Variants in GRID2 observed in about 807,000 individuals in gnomAD.
The protein encoded by GRID2 is glutamate ionotropic receptor delta type subunit 2.
Under a neutral mutation model 114.8 loss-of-function variants are expected in GRID2, and 33 were observed. The ratio of observed to expected loss-of-function variants is 0.29; its 90% CI spans 0.22 to 0.38. GRID2 has a LOEUF of 0.38. GRID2 is among the 10% of genes least tolerant of loss of function. The probability of loss-of-function intolerance (pLI) is 1.00; values close to 1 mark genes in which losing one functional copy is unlikely to be tolerated. For synonymous variants in GRID2, 505 were observed against 449.9 expected, an observed-to-expected ratio of 1.12 and a Z score of -1.55; for missense variants, 1,184 against 1,257.7, an observed-to-expected ratio of 0.94 and a Z score of 0.89.
intron 10 of GRID2, among the ~76,000 whole-genome samples, chr4:93,448,329 AAAAG>A (rs1377707812): frequency 5.3e-5 from 8 of 152,060 alleles, no homozygotes; most frequent in African/African-American, 1.9e-4. Context: ...TCTAGATAGT[AAAAG>A]AAAAACCTAC....
chr4:93,540,567 G>A (rs1267625294), intron 13 of GRID2, among the ~76,000 whole-genome samples: 1 of 152,174 alleles, frequency 6.6e-6, no homozygotes, highest in Admixed American at 6.6e-5. Context: ...TGTTTCATTG[G>A]CAAAATAGGG....
intron 13 of GRID2, among the ~76,000 whole-genome samples, chr4:93,622,166 G>C (rs1426885111): frequency 1.3e-5 from 2 of 152,140 alleles, no homozygotes; most frequent in African/African-American, 4.8e-5. Flanking sequence ...GGAGCTATAA[G>C]CAGGTCTGCA....
chr4:93,319,264 T>C (rs1004965099), intron 8 of GRID2, among the ~76,000 whole-genome samples: 99 of 152,226 alleles, frequency 6.5e-4, no homozygotes, highest in African/African-American at 2.3e-3. Flanking sequence ...TATGTTGTTT[T>C]TCATAAATTA....
chr4:93,312,229 A>G (rs2149190083), intron 8 of GRID2, among the ~76,000 whole-genome samples: 1 of 152,326 alleles, frequency 6.6e-6, no homozygotes, highest in East Asian at 1.9e-4. Context: ...ATGTTGGGAA[A>G]AATGTGAATA....
intron 8 of GRID2, among the ~76,000 whole-genome samples, chr4:93,389,147 A>C (rs1017728951): frequency 2.0e-5 from 3 of 152,172 alleles, no homozygotes; most frequent in Non-Finnish European, 4.4e-5. Context: ...GGTACCCATG[A>C]CCTTAAGTGG....
At chr4:93,348,463 T>C (rs1166718311) in intron 8 of GRID2, among the ~76,000 whole-genome samples, 2 of 152,200 alleles carry the variant, frequency 1.3e-5, no homozygotes. Flanking sequence ...TAATTTATAG[T>C]TAGTGTCAAT....
chr4:93,332,035 G>A (rs1444654342), intron 8 of GRID2, among the ~76,000 whole-genome samples: 1 of 152,044 alleles, frequency 6.6e-6, no homozygotes, highest in Admixed American at 6.6e-5. Context: ...TCTACATATA[G>A]CATCTAACTT....
intron 2 of GRID2, among the ~76,000 whole-genome samples, chr4:93,069,717 A>G (rs935147704): frequency 2.6e-5 from 4 of 152,108 alleles, no homozygotes; most frequent in African/African-American, 9.7e-5. Flanking sequence ...AGGTGCCTGA[A>G]AACCATCTTG....
chr4:93,802,483 C>T (rs1734952454), intron 1 of GRID2, among the ~76,000 whole-genome samples: 1 of 152,014 alleles, frequency 6.6e-6, no homozygotes. Context: ...TTACTAGTAC[C>T]TCACAAGAAT....
At position 93,239,101 on chromosome 4, in the gene GRID2, C is replaced by T. The variant is rs374151291; in HGVS notation, c.1245+611C>T. On this transcript the variant is annotated intron_variant, in intron 8 of 15. Coordinates refer to ENST00000282020, the MANE Select transcript of GRID2 (RefSeq NM_001510.4). ...TTATATAAATGATGTTTCTATAATT[C>T]GGATTTGCTATATATAAATTTTTGA... Among the ~76,000 whole-genome samples the T allele has an allele frequency of 7.5e-5, 11 of 147,646 alleles. No homozygotes were observed. In the South Asian group the frequency reaches 1.3e-3, roughly 17 times the overall value.
intron 2 of GRID2, among the ~76,000 whole-genome samples, chr4:92,965,273 A>G (rs1402938799): frequency 6.6e-6 from 1 of 151,710 alleles, no homozygotes; most frequent in Non-Finnish European, 1.5e-5. Flanking sequence ...CCAAACAGTA[A>G]CATCAAAAAT....
chr4:92,816,197 C>A (rs1185006393), intron 2 of GRID2, among the ~76,000 whole-genome samples: 1 of 151,194 alleles, frequency 6.6e-6, no homozygotes, highest in Admixed American at 6.6e-5. Context: ...TGCGTGCAAT[C>A]CCAGCTACTC....
At chr4:93,499,596 T>C (rs1727900701) in intron 12 of GRID2, among the ~76,000 whole-genome samples, 1 of 151,770 alleles carries the variant, frequency 6.6e-6, no homozygotes, top group East Asian at 2.0e-4. Flanking sequence ...TCTCTTCCGG[T>C]ATCTTCCATT....
intron 1 of GRID2, among the ~76,000 whole-genome samples, chr4:92,535,279 G>C (rs770156669): frequency 7.2e-4 from 110 of 152,068 alleles, no homozygotes; most frequent in Non-Finnish European, 1.4e-3. Flanking sequence ...TTTAAGTGTT[G>C]TTAGAATTCA....
At chr4:92,991,912 T>G (rs1032415359) in intron 2 of GRID2, among the ~76,000 whole-genome samples, 1 of 152,196 alleles carries the variant, frequency 6.6e-6, no homozygotes, top group African/African-American at 2.4e-5. Context: ...GTGATATTTT[T>G]GAAGTTTTTT....
rs143692214 is a variant in GRID2, at chr4:93,019,822, A to G, written c.245-65173A>G. On this transcript the variant is annotated intron_variant, in intron 2 of 15. Coordinates refer to ENST00000282020, the MANE Select transcript of GRID2 (RefSeq NM_001510.4). ...TAAGAGAGATATTAAAGGGTAACACATTGTATGATCGTATCAAAGTATCAC... is the reference window on the plus strand; with the variant it reads ...TAAGAGAGATATTAAAGGGTAACACGTTGTATGATCGTATCAAAGTATCAC... Among the ~76,000 whole-genome samples, 25 of 152,302 alleles carry G rather than the reference A, an allele frequency of 1.6e-4. No individual in the cohort carries two copies. The East Asian group carries it at 4.6e-3, about 28-fold the overall frequency.
At chr4:93,272,130 T>C (rs1751529604) in intron 8 of GRID2, among the ~76,000 whole-genome samples, 1 of 152,116 alleles carries the variant, frequency 6.6e-6, no homozygotes, top group Non-Finnish European at 1.5e-5. Context: ...TGAAAGCTGT[T>C]TTCATTAATT....
At chr4:92,545,673 AGG>A (rs1726214253) in intron 1 of GRID2, among the ~76,000 whole-genome samples, 1 of 152,196 alleles carries the variant, frequency 6.6e-6, no homozygotes, top group African/African-American at 2.4e-5. Flanking sequence ...GAAAATCTTT[AGG>A]ATATAGCCAA....
chr4:93,535,968 A>T (rs1337403362), intron 13 of GRID2, among the ~76,000 whole-genome samples: 1 of 151,920 alleles, frequency 6.6e-6, no homozygotes, highest in Non-Finnish European at 1.5e-5. Context: ...AAAATATCTT[A>T]ACATAAATTT....
Sources: allele counts gnomAD v4.1 joint callset (sites outside exome capture counted in the v4.1 genomes callset), GRCh38; gene constraint gnomAD v4.1.1; transcripts MANE v1.5; gene names NCBI Gene and HGNC (gene_info 2026-07-23, HGNC 2026-07-21).